The following PRELID2 variants were observed in gnomAD, a reference collection of about 807,000 sequenced individuals.
PRELID2 encodes PRELI domain-containing protein 2.
A neutral mutation model predicts 28.4 loss-of-function variants in PRELID2; 25 were observed. The ratio of observed to expected loss-of-function variants is 0.88; its 90% CI spans 0.64 to 1.23. The LOEUF is 1.23. Ranked by LOEUF, PRELID2 falls within the 50% of genes most tolerant of loss-of-function variation. PRELID2 has a pLI of 0.00. For missense variants in PRELID2, 201 were observed against 214.4 expected (o/e 0.94, Z 0.39); for synonymous variants, 76 against 71.6 (o/e 1.06, Z -0.31).
chr5:145,234,658 A>T, the PRELID2 span, among the ~76,000 whole-genome samples: 22 of 152,324 alleles, frequency 1.4e-4, no homozygotes, highest in African/African-American at 5.1e-4. Context: ...AACTGCAGTA[A>T]GAATTCATTT....
the PRELID2 span, among the ~76,000 whole-genome samples, chr5:145,464,149 C>T: frequency 6.6e-6 from 1 of 152,126 alleles, no homozygotes; most frequent in African/African-American, 2.4e-5. Flanking sequence ...TGTACGTCTT[C>T]TAAAACACAT....
At chr5:145,349,763 GAAGA>G in the PRELID2 span, among the ~76,000 whole-genome samples, 3 of 152,060 alleles carry the variant, frequency 2.0e-5, no homozygotes, top group Middle Eastern at 3.2e-3. Flanking sequence ...GTAAACACAC[GAAGA>G]AATAATAATC....
chr5:145,453,442 C>T, the PRELID2 span, among the ~76,000 whole-genome samples: 1 of 152,134 alleles, frequency 6.6e-6, no homozygotes, highest in Non-Finnish European at 1.5e-5. Context: ...AACGGTTTCC[C>T]ATTGCTCTTT....
chr5:145,253,612 G>T, the PRELID2 span, among the ~76,000 whole-genome samples: 1 of 151,980 alleles, frequency 6.6e-6, no homozygotes, highest in Admixed American at 6.6e-5. Context: ...CATCTCTGTG[G>T]TGCCTCTGTC....
At chr5:145,677,832 G>A (rs189539800) in intron 1 of PRELID2, among the ~76,000 whole-genome samples, 2 of 152,282 alleles carry the variant, frequency 1.3e-5, no homozygotes, top group African/African-American at 2.4e-5. Context: ...TCACCACTGA[G>A]GCCAGGCACA....
rs1365517052 is a variant in PRELID2, at chr5:145,817,198, A to AAAATATATATAT, written c.368+695_368+696insATATATATATTT. On this transcript the variant is annotated intron_variant, in intron 4 of 6. Transcript: ENST00000683046. ...AGAGCAAGACTGCATTTCAAAAAAAAATAAATAAATAAATAAAAAAAAATA... is the reference window on the plus strand; with the variant it reads ...AGAGCAAGACTGCATTTCAAAAAAAAAAATATATATATATAAATAAATAAATAAAAAAAAATA... Among the ~76,000 whole-genome samples, 179 of 69,782 alleles carry AAAATATATATAT rather than the reference A, an allele frequency of 2.6e-3. 3 individuals are homozygous for AAAATATATATAT. Among genetic ancestry groups the AAAATATATATAT allele is most frequent in the Non-Finnish European group, 3.9e-3 (118 of 30,420 alleles). 45.8% of individuals were successfully genotyped at this position (69,782 alleles called of 152,430 possible). A position where few individuals can be genotyped will look rare whatever the true frequency, so the allele number is the denominator to read the frequency against.
intron 1 of PRELID2, among the ~76,000 whole-genome samples, chr5:145,507,413 G>A (rs908408803): frequency 4.6e-5 from 7 of 152,154 alleles, no homozygotes; most frequent in African/African-American, 1.7e-4. Flanking sequence ...CCTGAAGTTG[G>A]AGAGAGTAGC....
At chr5:145,574,605 G>A (rs1024363662) in intron 1 of PRELID2, among the ~76,000 whole-genome samples, 2 of 152,104 alleles carry the variant, frequency 1.3e-5, no homozygotes, top group Non-Finnish European at 2.9e-5. Flanking sequence ...ACCGACTTTT[G>A]TTTTCAACTG....
chr5:145,350,930 T>C, the PRELID2 span, among the ~76,000 whole-genome samples: 2,142 of 152,284 alleles, frequency 0.014, 48 homozygotes, highest in African/African-American at 0.048. Context: ...TTATTGATCA[T>C]GATGAAGATA....
chr5:145,789,761 C>A (rs1752242625), intron 5 of PRELID2, among the ~76,000 whole-genome samples: 1 of 151,984 alleles, frequency 6.6e-6, no homozygotes, highest in African/African-American at 2.4e-5. Flanking sequence ...GGGTTAATAT[C>A]CAAAATATAC....
chr5:145,295,666 C>A, the PRELID2 span, among the ~76,000 whole-genome samples: 1 of 152,078 alleles, frequency 6.6e-6, no homozygotes. Flanking sequence ...AAGACCCACA[C>A]ACATCATTTT....
chr5:145,636,210 G>T (rs1466598036), intron 1 of PRELID2, among the ~76,000 whole-genome samples: 1 of 152,212 alleles, frequency 6.6e-6, no homozygotes, highest in Non-Finnish European at 1.5e-5. Context: ...AACTGACAAA[G>T]TAGTTAAATT....
intron 1 of PRELID2, among the ~76,000 whole-genome samples, chr5:145,828,235 T>C (rs1468321352): frequency 1.3e-5 from 2 of 152,076 alleles, no homozygotes; most frequent in Non-Finnish European, 2.9e-5. Context: ...GTTATAAGAA[T>C]TAAAGGAAAC....
intron 1 of PRELID2, among the ~76,000 whole-genome samples, chr5:145,684,772 G>A (rs1031041179): frequency 1.3e-5 from 2 of 152,156 alleles, no homozygotes; most frequent in East Asian, 3.9e-4. Flanking sequence ...AATCCTGGGG[G>A]CAGGTAATGA....
chr5:145,324,762 T>C, the PRELID2 span, among the ~76,000 whole-genome samples: 1 of 152,200 alleles, frequency 6.6e-6, no homozygotes, highest in Non-Finnish European at 1.5e-5. Context: ...TGTGTGTTTG[T>C]ATTTATTTAT....
At chr5:145,677,501 A>G (rs180961648) in intron 1 of PRELID2, among the ~76,000 whole-genome samples, 20 of 152,230 alleles carry the variant, frequency 1.3e-4, no homozygotes, top group African/African-American at 4.8e-4. Flanking sequence ...TGAAATATTA[A>G]TGGAAGAAAT....
At chr5:145,447,586 G>C in the PRELID2 span, among the ~76,000 whole-genome samples, 1 of 128,734 alleles carries the variant, frequency 7.8e-6, no homozygotes, top group Admixed American at 8.1e-5. Context: ...TCGTCATCTA[G>C]CATTAGGTAT....
At chr5:145,350,324 T>A in the PRELID2 span, among the ~76,000 whole-genome samples, 2 of 151,562 alleles carry the variant, frequency 1.3e-5, no homozygotes, top group Non-Finnish European at 2.9e-5. Context: ...CACCAAAGAG[T>A]GGTATTTGGC....
the PRELID2 span, among the ~76,000 whole-genome samples, chr5:145,312,394 A>G: frequency 2.6e-5 from 4 of 152,228 alleles, no homozygotes; most frequent in Non-Finnish European, 2.9e-5. Flanking sequence ...TTTCAACTAT[A>G]CAATACATTA....
Sources: allele counts gnomAD v4.1 joint callset (sites outside exome capture counted in the v4.1 genomes callset), GRCh38; gene constraint gnomAD v4.1.1; transcripts MANE v1.5; gene names NCBI Gene and HGNC (gene_info 2026-07-23, HGNC 2026-07-21).